The following ADGRE2 variants were observed in gnomAD, a reference collection of about 807,000 sequenced individuals.
ADGRE2 encodes the protein CD97 antigen.
ADGRE2 carries 83 observed loss-of-function variants against 100.8 expected under a neutral mutation model. The ratio of observed to expected loss-of-function variants is 0.82; its 90% CI spans 0.69 to 0.99. The LOEUF (loss-of-function observed/expected upper bound fraction) is 0.99. Among genes scored for constraint, ADGRE2 ranks in the 50% least tolerant of loss-of-function variants. The probability of loss-of-function intolerance (pLI) is 0.00; values close to 1 mark genes in which losing one functional copy is unlikely to be tolerated. For synonymous variants in ADGRE2, 355 were observed against 413.0 expected (o/e 0.86, Z 1.70); for missense variants, 814 against 1,035.7 (o/e 0.79, Z 2.94).
chr19:14,772,530 A>G, intron 4 of ADGRE2, 33 bp from the exon 5 acceptor site: 4 of 1,611,278 alleles, frequency 2.5e-6, no homozygotes, highest in Non-Finnish European at 3.4e-6. Context: ...GTCATCTCCC[A>G]AAGATGTGAG....
At position 14,772,404 on chromosome 19, in the gene ADGRE2, G is replaced by A; in HGVS notation, c.293C>T (p.Pro98Leu). The change falls in exon 5 of 21, where the codon CCA (proline) becomes CTA (leucine). Residue 98 changes from proline to leucine, a missense_variant. By Grantham distance (98) the Pro-to-Leu change is moderately conservative. Coordinates refer to ENST00000315576, the MANE Select transcript of ADGRE2 (RefSeq NM_013447.4). The part of the protein sequence containing the change: ...TEGSYDCVCS[P>L]GYEPVSGAKT... Reference sequence around the variant, plus strand: ...TGCCCCAGAAACAGGCTCATATCCTGGGCTGCACACGCAGTCGTAGCTCCC... The same window carrying A: ...TGCCCCAGAAACAGGCTCATATCCTAGGCTGCACACGCAGTCGTAGCTCCC... The A allele has an allele frequency of 6.2e-7, 1 of 1,613,996 alleles. No individual in the cohort carries two copies. The highest frequency in any genetic ancestry group is 2.2e-5 in the East Asian group (1 of 44,870).
downstream of ADGRE2, chr19:14,731,325 G>A (rs1016663571): frequency 2.4e-6 from 2 of 841,962 alleles, no homozygotes; most frequent in Non-Finnish European, 3.7e-6. Context: ...AGTGGCCTTG[G>A]ACTTTCAAAC....
intron 10 of ADGRE2, among the ~76,000 whole-genome samples, 189 bp from the exon 11 acceptor site, chr19:14,764,799 A>G (rs2043891404): frequency 6.6e-6 from 1 of 152,214 alleles, no homozygotes; most frequent in East Asian, 1.9e-4. Flanking sequence ...AGGGTGGGTC[A>G]CAAGGTCAGG....
At position 14,755,896 on chromosome 19, in the gene ADGRE2, G is replaced by T; in HGVS notation, c.1193-19C>A. On this transcript the variant is annotated intron_variant, in intron 12 of 20. Transcript: ENST00000315576. ...GAAGGGCCTGCAGGGCGAGGCCAAGGTTGAATCTTGGAGTAGGTTGAATCT... is the reference window on the plus strand; with the variant it reads ...GAAGGGCCTGCAGGGCGAGGCCAAGTTTGAATCTTGGAGTAGGTTGAATCT... The T allele has an allele frequency of 6.2e-7, 1 of 1,603,310 alleles. No individual in the cohort carries two copies. The highest frequency in any genetic ancestry group is 1.1e-5 in the South Asian group (1 of 90,608).
rs559120742 is a variant in ADGRE2, at chr19:14,735,565, G to A, written c.*671C>T. The A allele has an allele frequency of 3.9e-5, 6 of 152,300 alleles. No individual in the cohort carries two copies. The highest frequency in any genetic ancestry group is 2.1e-4 in the South Asian group (1 of 4,822). The allele number at this position is 152,300 out of a possible 1,614,324, so 9.4% of individuals were successfully genotyped here. A position where few individuals can be genotyped will look rare whatever the true frequency, so the allele number is the denominator to read the frequency against. On this transcript the variant is annotated 3_prime_UTR_variant, in exon 21 of 21. Transcript: ENST00000315576. Reference sequence around the variant, plus strand: ...CTTTTCTGCATGTTGGTGTGAAGACGAAAGAAGACAGTGTTTATAAAATAG... The same window carrying A: ...CTTTTCTGCATGTTGGTGTGAAGACAAAAGAAGACAGTGTTTATAAAATAG...
At chr19:14,755,931 C>G in intron 12 of ADGRE2, 54 bp from the exon 13 acceptor site, 1 of 1,458,802 alleles carries the variant, frequency 6.9e-7, no homozygotes. Flanking sequence ...TCTGGGTCCA[C>G]ACCAGAGTTC....
chr19:14,763,934 TC>T (rs1382583959), intron 11 of ADGRE2, among the ~76,000 whole-genome samples: 1 of 133,022 alleles, frequency 7.5e-6, no homozygotes, highest in East Asian at 2.6e-4. Context: ...CCTCCTCCCC[TC>T]CTCTCCTCCT....
intron 1 of ADGRE2, among the ~76,000 whole-genome samples, chr19:14,777,459 GTTTC>G (rs972977178): frequency 6.0e-5 from 9 of 150,746 alleles, no homozygotes; most frequent in Non-Finnish European, 7.4e-5. Context: ...GCGAAGCTCG[GTTTC>G]TTTCTTTCTT....
At chr19:14,743,202 T>C (rs1446621503) in intron 20 of ADGRE2, among the ~76,000 whole-genome samples, 1 of 151,916 alleles carries the variant, frequency 6.6e-6, no homozygotes, top group Non-Finnish European at 1.5e-5. Context: ...GCCTCCCAAA[T>C]GCTGGGATGA....
Position 14,736,183 on chromosome 19 carries a change from A to G in ADGRE2, c.*53T>C. 1 of 1,564,718 alleles carries G rather than the reference A, an allele frequency of 6.4e-7. No individual in the cohort carries two copies. The highest frequency in any genetic ancestry group is 1.7e-5 in the Admixed American group (1 of 59,412). Reference sequence around the variant, plus strand: ...TCTTTCCCCTCTAGATGGCTCAAAGATTGTTCAGATTTTCCACGGGCAAAG... The same window carrying G: ...TCTTTCCCCTCTAGATGGCTCAAAGGTTGTTCAGATTTTCCACGGGCAAAG... On this transcript the variant is annotated 3_prime_UTR_variant, in exon 21 of 21. Transcript: ENST00000315576.
chr19:14,763,530 GA>G (rs1449082431), intron 11 of ADGRE2, among the ~76,000 whole-genome samples: 4 of 151,496 alleles, frequency 2.6e-5, no homozygotes, highest in African/African-American at 9.7e-5. Context: ...ATATTACAAT[GA>G]AAATGCATGT....
chr19:14,756,097 C>G, intron 12 of ADGRE2, 141 bp downstream of exon 12: 1 of 774,900 alleles, frequency 1.3e-6, no homozygotes, highest in Non-Finnish European at 2.2e-6. Context: ...TCCGTTCCTC[C>G]TCAGCTGGAC....
At chr19:14,729,086 T>C (rs1427344378), downstream of ADGRE2, among the ~76,000 whole-genome samples, 1 of 152,122 alleles carries the variant, frequency 6.6e-6, no homozygotes, top group African/African-American at 2.4e-5. Flanking sequence ...AGGGAACAGA[T>C]GTGAGTTATT....
intron 20 of ADGRE2, among the ~76,000 whole-genome samples, chr19:14,738,948 C>T (rs890827285): frequency 2.0e-5 from 3 of 149,640 alleles, no homozygotes; most frequent in South Asian, 2.1e-4. Context: ...GCAAGACACA[C>T]ATTTTCTTTT....
In ADGRE2 at chr19:14,759,503, A is replaced by ATATATATATATATATATTT. The variant is rs60789454; in HGVS notation, c.1085-3159_1085-3158insAAATATATATATATATATA. Among the ~76,000 whole-genome samples the ATATATATATATATATATTT allele has an allele frequency of 2.9e-4, 39 of 133,362 alleles. No homozygotes were observed. In the East Asian group the frequency reaches 7.1e-3, roughly 24 times the overall value. The allele number at this position is 133,362 out of a possible 152,430, so 87.5% of individuals were successfully genotyped here. On this transcript the variant is annotated intron_variant, in intron 11 of 20. Coordinates refer to ENST00000315576, the MANE Select transcript of ADGRE2 (RefSeq NM_013447.4). The stretch of plus-strand genomic sequence containing the variant: ...ATAAGTTATACATATATATATATAT[A>ATATATATATATATATATTT]TTTTTTTTTTTTAGACGGAGTCTCA...
rs774168050 is a variant in ADGRE2, at chr19:14,743,707, G to A, written c.2261C>T (p.Pro754Leu). ...TWCLGILQVG[P>L]AARVMAYLFT... ...GAGGTAGGCCATGACCCGGGCAGCC[G>A]GACCCACCTGCAAGATGCCCAGACA... is the stretch of plus-strand genomic sequence containing the variant. The change falls in exon 19 of 21, where the codon CCG becomes CTG. Residue 754 changes from proline (P) to leucine (L), a missense_variant. This residue lies in a region of ADGRE2 where 569 missense variants were observed against 692.7 expected (regional missense o/e 0.82). Coordinates refer to ENST00000315576, the MANE Select transcript of ADGRE2 (RefSeq NM_013447.4). 1.3e-5 allele frequency: 21 copies of A among 1,614,024 alleles called. No homozygotes were observed. Among genetic ancestry groups the A allele is most frequent in the Admixed American group, 5.0e-5 (3 of 59,992 alleles).
intron 10 of ADGRE2, among the ~76,000 whole-genome samples, chr19:14,764,994 C>T (rs529448180): frequency 7.1e-4 from 108 of 151,972 alleles, no homozygotes; most frequent in Admixed American, 3.7e-3. Flanking sequence ...TCTGGACTGG[C>T]GACAGAGTGA....
intron 13 of ADGRE2, 82 bp downstream of exon 13, chr19:14,755,563 AGAGACCCCT>A (rs2043468961): frequency 2.6e-6 from 3 of 1,162,426 alleles, no homozygotes; most frequent in African/African-American, 3.0e-5. Flanking sequence ...TACCCATAAC[AGAGACCCCT>A]GAGCCCCAGG....
chr19:14,773,198 C>T (rs1308708244), intron 4 of ADGRE2, among the ~76,000 whole-genome samples: 1 of 151,188 alleles, frequency 6.6e-6, no homozygotes, highest in East Asian at 1.9e-4. Context: ...GCACAGACTC[C>T]AGATTCCTGA....
Sources: gnomAD v4.1 joint callset for allele counts (sites outside exome capture counted in the v4.1 genomes callset) on GRCh38, gnomAD v4.1.1 for gene constraint, gnomAD v4.1.1 regional missense constraint, MANE v1.5 for transcripts, NCBI Gene and HGNC (gene_info 2026-07-23, HGNC 2026-07-21) for gene names.